Variants in TMEM117 observed in about 807,000 individuals in gnomAD.
TMEM117 encodes the protein transmembrane protein 117.
In TMEM117, 27 loss-of-function variants were observed where a neutral mutation model predicts 52.4. The ratio of observed to expected loss-of-function variants is 0.51; its 90% CI spans 0.38 to 0.71. The LOEUF is 0.71. TMEM117 is among the 30% of genes least tolerant of loss of function. The pLI, the probability that TMEM117 is intolerant of heterozygous loss-of-function variation, is 0.00. For missense variants in TMEM117, 556 were observed against 630.5 expected (o/e 0.88, Z 1.26); for synonymous variants, 215 against 206.3 (o/e 1.04, Z -0.36).
At chr12:44,063,106 T>C (rs1947165224) in intron 3 of TMEM117, among the ~76,000 whole-genome samples, 1 of 152,328 alleles carries the variant, frequency 6.6e-6, no homozygotes, top group African/African-American at 2.4e-5. Flanking sequence ...TCCTGCAGAA[T>C]GTGACTGCTC....
At chr12:44,299,848 A>G in intron 6 of TMEM117, 109 bp downstream of exon 6, 2 of 1,365,334 alleles carry the variant, frequency 1.5e-6, no homozygotes, top group South Asian at 1.4e-5. Flanking sequence ...CAGCATTTAC[A>G]GTTACTTTTG....
At chr12:44,140,139 T>C (rs1422029563) in intron 3 of TMEM117, among the ~76,000 whole-genome samples, 2 of 152,186 alleles carry the variant, frequency 1.3e-5, no homozygotes, top group Non-Finnish European at 2.9e-5. Flanking sequence ...ACTTATCATA[T>C]GTCCACAGCC....
the TMEM117 span, among the ~76,000 whole-genome samples, chr12:43,818,407 G>A: frequency 6.7e-6 from 1 of 149,120 alleles, no homozygotes; most frequent in Non-Finnish European, 1.5e-5. Context: ...TTCTTACTTT[G>A]AAATTTGTAT....
the TMEM117 span, among the ~76,000 whole-genome samples, chr12:44,397,293 T>C: frequency 2.6e-5 from 4 of 152,226 alleles, no homozygotes; most frequent in Admixed American, 6.5e-5. Context: ...TTGACTGTGA[T>C]TGATGGGAAG....
chr12:43,843,556 G>A (rs1943149945), intron 1 of TMEM117, among the ~76,000 whole-genome samples: 2 of 152,182 alleles, frequency 1.3e-5, no homozygotes, highest in Admixed American at 6.5e-5. Context: ...ACATATTCAG[G>A]TTAGGACCTA....
chr12:43,890,766 G>A (rs1211142071), intron 2 of TMEM117, among the ~76,000 whole-genome samples: 3 of 151,990 alleles, frequency 2.0e-5, no homozygotes, highest in East Asian at 1.9e-4. Context: ...TCCTGACCTC[G>A]TGATCCACCA....
intron 2 of TMEM117, among the ~76,000 whole-genome samples, chr12:43,866,294 C>T (rs772200188): frequency 2.4e-4 from 37 of 151,286 alleles, no homozygotes; most frequent in Non-Finnish European, 3.7e-4. Flanking sequence ...ATTCTATATC[C>T]AGCCAACATA....
At chr12:44,184,430 G>T (rs1200337938) in intron 4 of TMEM117, among the ~76,000 whole-genome samples, 1 of 152,136 alleles carries the variant, frequency 6.6e-6, no homozygotes, top group Admixed American at 6.6e-5. Flanking sequence ...CTGAAATGCA[G>T]CAGAAAAAGG....
upstream of TMEM117, among the ~76,000 whole-genome samples, chr12:43,832,205 G>A (rs1942986875): frequency 6.6e-6 from 1 of 152,216 alleles, no homozygotes; most frequent in African/African-American, 2.4e-5. Context: ...CTCTGCGTGA[G>A]TAAGCAATCA....
intron 2 of TMEM117, among the ~76,000 whole-genome samples, chr12:43,865,821 A>G (rs566552627): frequency 2.0e-5 from 3 of 152,088 alleles, no homozygotes; most frequent in East Asian, 1.9e-4. Context: ...GTGATTAGCC[A>G]AATCAGGCCT....
At chr12:44,004,454 A>T (rs556585320) in intron 3 of TMEM117, among the ~76,000 whole-genome samples, 4 of 152,186 alleles carry the variant, frequency 2.6e-5, no homozygotes, top group South Asian at 4.1e-4. Context: ...ATGGATTTAC[A>T]CAAAGAGAAT....
chr12:44,074,065 C>A (rs925427877), intron 3 of TMEM117, among the ~76,000 whole-genome samples: 1 of 152,032 alleles, frequency 6.6e-6, no homozygotes, highest in Admixed American at 6.5e-5. Context: ...TTTAATCAAC[C>A]TTTGTTAATG....
rs1412563762 is a variant in TMEM117, at chr12:44,261,196, T to G, written c.609-38384T>G. On this transcript the variant is annotated intron_variant, in intron 5 of 7. Transcript: ENST00000266534. ...TTTATGGAGCAATCTTATAGGCACT[T>G]CACATGATTAACTCAGTAAAGAACT... is the stretch of plus-strand genomic sequence containing the variant. 2.6e-5 allele frequency among the ~76,000 whole-genome samples: 4 copies of G among 152,350 alleles called. No homozygotes were observed. The South Asian group carries it at 6.2e-4, about 24-fold the overall frequency.
chr12:43,806,410 G>T, the TMEM117 span: 1 of 1,154,404 alleles, frequency 8.7e-7, no homozygotes, highest in Non-Finnish European at 1.1e-6. Flanking sequence ...CGTCCCCGCC[G>T]CCCCGCCGCC....
chr12:44,205,126 G>T (rs574164585), intron 4 of TMEM117, among the ~76,000 whole-genome samples: 4 of 152,190 alleles, frequency 2.6e-5, no homozygotes, highest in Non-Finnish European at 5.9e-5. Flanking sequence ...ACATGATATG[G>T]TTTTGCTGTG....
At chr12:43,859,807 TC>T (rs1438422099) in intron 2 of TMEM117, among the ~76,000 whole-genome samples, 1 of 152,206 alleles carries the variant, frequency 6.6e-6, no homozygotes, top group African/African-American at 2.4e-5. Context: ...ATTCCCTGAG[TC>T]CATTCCCATC....
intron 5 of TMEM117, among the ~76,000 whole-genome samples, chr12:44,258,613 A>T (rs1950287025): frequency 6.6e-6 from 1 of 152,180 alleles, no homozygotes; most frequent in Non-Finnish European, 1.5e-5. Context: ...TTTTGAAAAA[A>T]TAATTAAAGA....
intron 2 of TMEM117, among the ~76,000 whole-genome samples, chr12:43,941,706 A>G (rs1202685375): frequency 6.6e-6 from 1 of 152,262 alleles, no homozygotes; most frequent in Admixed American, 6.5e-5. Flanking sequence ...TCTGGACTTA[A>G]TATTTTGCAG....
At chr12:44,051,633 G>T (rs1592475275) in intron 3 of TMEM117, among the ~76,000 whole-genome samples, 1 of 152,190 alleles carries the variant, frequency 6.6e-6, no homozygotes, top group Non-Finnish European at 1.5e-5. Context: ...TTATATGACA[G>T]TGGAAATCAC....
Sources: gnomAD v4.1 joint callset for allele counts (sites outside exome capture counted in the v4.1 genomes callset) on GRCh38, gnomAD v4.1.1 for gene constraint, MANE v1.5 for transcripts, NCBI Gene and HGNC (gene_info 2026-07-23, HGNC 2026-07-21) for gene names.